Variants in TSHZ1 observed in about 807,000 individuals in gnomAD.
The protein encoded by TSHZ1 is teashirt homolog 1.
TSHZ1 carries 12 observed loss-of-function variants against 67.1 expected under a neutral mutation model. The ratio of observed to expected loss-of-function variants is 0.18; its 90% confidence interval spans 0.11 to 0.29. TSHZ1 has a LOEUF of 0.29. Among genes scored for constraint, TSHZ1 ranks in the 10% least tolerant of loss-of-function variants. The probability of loss-of-function intolerance (pLI) is 1.00; values close to 1 mark genes in which losing one functional copy is unlikely to be tolerated. For missense variants in TSHZ1, 1,305 were observed against 1,413.9 expected, an observed-to-expected ratio of 0.92 and a Z score of 1.23; for synonymous variants, 632 against 622.4, an observed-to-expected ratio of 1.02 and a Z score of -0.23.
chr18:75,247,859 C>G (rs537559869), intron 1 of TSHZ1, among the ~76,000 whole-genome samples: 1 of 102,696 alleles, frequency 9.7e-6, no homozygotes, highest in South Asian at 4.0e-4. Context: ...ATGTTCAGAC[C>G]TTACTTTTTT....
intron 1 of TSHZ1, among the ~76,000 whole-genome samples, chr18:75,268,944 T>G (rs145390931): frequency 1.3e-5 from 2 of 152,356 alleles, no homozygotes; most frequent in Non-Finnish European, 2.9e-5. Context: ...TGATGTGTTG[T>G]TCCTATTCAC....
In TSHZ1 at chr18:75,286,959, G is replaced by C. The variant is rs1448869172; in HGVS notation, c.1552G>C (p.Glu518Gln). Residue 518 changes from glutamate to glutamine, a missense_variant, in exon 2 of 2, where the codon GAG becomes CAG. Physicochemically the swap from Glu to Gln is conservative, Grantham distance 29. Transcript: ENST00000580243. The surrounding 1 kb of genome is among the most constrained non-coding windows in gnomAD (Gnocchi z 5.1). ...GGCTGGCGACGCGGAGAAGATCAAG[G>C]AGGAGAGTGAGGACAGCTTGGAGAA... ...PVAGDAEKIK[E>Q]ESEDSLEKFE... The C allele has an allele frequency of 6.2e-7, 1 of 1,614,106 alleles. No individual in the cohort carries two copies. The highest frequency in any genetic ancestry group is 2.2e-5 in the East Asian group (1 of 44,872).
intron 1 of TSHZ1, among the ~76,000 whole-genome samples, chr18:75,245,916 ATTAGTC>A (rs1298504931): frequency 6.6e-6 from 1 of 152,310 alleles, no homozygotes; most frequent in East Asian, 1.9e-4. Context: ...TGTTGTTCTG[ATTAGTC>A]TTAGTGTTAA....
At position 75,211,869 on chromosome 18, in the gene TSHZ1, C is replaced by CGAGCAGCATGCCGAGGAGG; in HGVS notation, c.-7_12dup. On this transcript the variant is annotated 5_prime_UTR_variant, in exon 1 of 2. The change creates a new upstream start codon in the 5' untranslated region. Coordinates refer to ENST00000580243, the MANE Select transcript of TSHZ1 (RefSeq NM_001308210.2). ...CGGCTGAGGCGACGGCTGCGGCGGCCGAGCAGCATGCCGAGGAGGAAGCAG... is the reference window on the plus strand; with the variant it reads ...CGGCTGAGGCGACGGCTGCGGCGGCCGAGCAGCATGCCGAGGAGGGAGCAGCATGCCGAGGAGGAAGCAG... 8.4e-7 allele frequency: 1 copy of CGAGCAGCATGCCGAGGAGG among 1,183,488 alleles called. No individual in the cohort carries two copies. Among genetic ancestry groups the CGAGCAGCATGCCGAGGAGG allele is most frequent in the Non-Finnish European group, 1.0e-6 (1 of 956,966 alleles). The allele number at this position is 1,183,488 out of a possible 1,614,324, so 73.3% of individuals were successfully genotyped here.
chr18:75,247,575 T>C (rs2023240151), intron 1 of TSHZ1, among the ~76,000 whole-genome samples: 1 of 152,228 alleles, frequency 6.6e-6, no homozygotes, highest in African/African-American at 2.4e-5. Context: ...GTTTCCCTCA[T>C]TCTGCTTATG....
intron 1 of TSHZ1, among the ~76,000 whole-genome samples, chr18:75,217,495 G>T (rs1247238248): frequency 1.3e-5 from 2 of 152,116 alleles, no homozygotes; most frequent in African/African-American, 4.8e-5. Context: ...AGGCAGAAAG[G>T]AAAGTAAAGA....
At chr18:75,248,210 T>G (rs2023248261) in intron 1 of TSHZ1, among the ~76,000 whole-genome samples, 1 of 152,250 alleles carries the variant, frequency 6.6e-6, no homozygotes, top group Non-Finnish European at 1.5e-5. Context: ...GCAATGTAGC[T>G]CTGTCATAAT....
intron 1 of TSHZ1, among the ~76,000 whole-genome samples, chr18:75,263,651 G>A (rs2023455921): frequency 6.6e-6 from 1 of 151,986 alleles, no homozygotes; most frequent in African/African-American, 2.4e-5. Context: ...TTTTTTGTTT[G>A]TTATGTTGTT....
At chr18:75,272,257 C>T (rs768605787) in intron 1 of TSHZ1, among the ~76,000 whole-genome samples, 59 of 152,268 alleles carry the variant, frequency 3.9e-4, no homozygotes, top group Non-Finnish European at 5.6e-4. Context: ...TGCAGAACTG[C>T]GCCGGCACGC....
intron 1 of TSHZ1, among the ~76,000 whole-genome samples, chr18:75,227,897 C>CA (rs2022946219): frequency 6.6e-6 from 1 of 152,214 alleles, no homozygotes; most frequent in Admixed American, 6.5e-5. Flanking sequence ...GGGCTTCCTT[C>CA]CCCCGCCGTT....
intron 1 of TSHZ1, among the ~76,000 whole-genome samples, chr18:75,217,248 G>C (rs888943394): frequency 6.6e-6 from 1 of 152,180 alleles, no homozygotes; most frequent in African/African-American, 2.4e-5. Flanking sequence ...GATAATCATT[G>C]ATTGTGTGAA....
At chr18:75,223,133 C>G (rs888807947) in intron 1 of TSHZ1, among the ~76,000 whole-genome samples, 1 of 152,180 alleles carries the variant, frequency 6.6e-6, no homozygotes, top group Non-Finnish European at 1.5e-5. Flanking sequence ...CGTTCTTCCT[C>G]TTGGGAATTC....
At chr18:75,234,380 G>T (rs1279850447) in intron 1 of TSHZ1, among the ~76,000 whole-genome samples, 2 of 152,134 alleles carry the variant, frequency 1.3e-5, no homozygotes, top group Admixed American at 6.5e-5. Flanking sequence ...GCAATTTTCA[G>T]CGATACTTTA....
intron 1 of TSHZ1, among the ~76,000 whole-genome samples, chr18:75,261,960 A>T (rs2023436039): frequency 6.6e-6 from 1 of 152,156 alleles, no homozygotes; most frequent in South Asian, 2.1e-4. Context: ...GAAGAGTTGG[A>T]GGAGTGACCT....
chr18:75,258,199 G>A (rs2023385541), intron 1 of TSHZ1, among the ~76,000 whole-genome samples: 1 of 152,224 alleles, frequency 6.6e-6, no homozygotes, highest in African/African-American at 2.4e-5. Flanking sequence ...CACCATGCGG[G>A]TTTTGTTGGA....
intron 1 of TSHZ1, among the ~76,000 whole-genome samples, chr18:75,249,288 C>A (rs2023263092): frequency 6.6e-6 from 1 of 152,184 alleles, no homozygotes; most frequent in Non-Finnish European, 1.5e-5. Flanking sequence ...GCCTCGCCTG[C>A]CCCCACGGGG....
intron 1 of TSHZ1, among the ~76,000 whole-genome samples, chr18:75,249,845 C>T (rs942626888): frequency 6.5e-5 from 9 of 137,672 alleles, no homozygotes; most frequent in East Asian, 2.3e-4. Flanking sequence ...CTGTAGTAGG[C>T]GGGGCGGGGG....
chr18:75,255,117 T>C (rs1370185118), intron 1 of TSHZ1, among the ~76,000 whole-genome samples: 1 of 152,342 alleles, frequency 6.6e-6, no homozygotes, highest in East Asian at 1.9e-4. Context: ...TTGAATTTGC[T>C]GGAAAAAATT....
intron 1 of TSHZ1, among the ~76,000 whole-genome samples, chr18:75,260,315 A>G (rs771280207): frequency 2.4e-4 from 36 of 152,318 alleles, no homozygotes; most frequent in Non-Finnish European, 4.1e-4. Flanking sequence ...CATTCAGCCT[A>G]TACTCTAGGA....
Sources: gnomAD v4.1 joint callset for allele counts (sites outside exome capture counted in the v4.1 genomes callset) on GRCh38, gnomAD v4.1.1 for gene constraint, Gnocchi (gnomAD v3.1) non-coding constraint, MANE v1.5 for transcripts, NCBI Gene and HGNC (gene_info 2026-07-23, HGNC 2026-07-21) for gene names.